ANKS1B: variants seen among roughly 807,000 people sequenced by gnomAD.
The protein encoded by ANKS1B is ankyrin repeat and sterile alpha motif domain containing 1B, also known as ankyrin repeat and sterile alpha motif domain-containing protein 1B.
Under a neutral mutation model 148.3 loss-of-function variants are expected in ANKS1B, and 36 were observed. That is an observed-to-expected ratio of 0.24 (90% CI 0.19 to 0.32). ANKS1B has a LOEUF of 0.32. ANKS1B is among the 10% of genes least tolerant of loss of function. ANKS1B has a pLI of 1.00. For missense variants in ANKS1B, 1,157 were observed against 1,542.6 expected (o/e 0.75, Z 4.19); for synonymous variants, 542 against 560.8 (o/e 0.97, Z 0.47).
In ANKS1B at chr12:98,887,670, C is replaced by T. The variant is rs370327315; in HGVS notation, c.2779-55534G>A. 4.0e-5 allele frequency among the ~76,000 whole-genome samples: 6 copies of T among 151,760 alleles called. No homozygotes were observed. The East Asian group carries it at 9.7e-4, about 24-fold the overall frequency. Reference sequence around the variant, plus strand: ...TCTCCCAGGCTGGAGTGTAGTGGTGCGATCTTGGCTCACTGCAACCTCTGT... The same window carrying T: ...TCTCCCAGGCTGGAGTGTAGTGGTGTGATCTTGGCTCACTGCAACCTCTGT... On this transcript the variant is annotated intron_variant, in intron 17 of 26. Transcript: ENST00000683438.
At position 98,853,171 on chromosome 12, in the gene ANKS1B, C is replaced by T. The variant is rs77811957; in HGVS notation, c.2779-21035G>A. On this transcript the variant is annotated intron_variant, in intron 17 of 26. Coordinates refer to ENST00000683438, the MANE Select transcript of ANKS1B (RefSeq NM_001352186.2). ...TTTTCTGTCTTTAGGGGTCAGTCTT[C>T]CTAAAATATGAAAACCCGGGTTTGA... Among the ~76,000 whole-genome samples the T allele has an allele frequency of 1.3e-3, 199 of 152,178 alleles. 2 individuals are homozygous for T. The East Asian group carries it at 0.033, about 25-fold the overall frequency.
chr12:98,997,682 C>T (rs554375853), intron 17 of ANKS1B, among the ~76,000 whole-genome samples: 5 of 152,250 alleles, frequency 3.3e-5, no homozygotes, highest in East Asian at 1.9e-4. Flanking sequence ...TGAGCCACCG[C>T]GCCTGGCCCA....
At chr12:99,830,607 C>T (rs1304623394) in intron 1 of ANKS1B, among the ~76,000 whole-genome samples, 3 of 131,214 alleles carry the variant, frequency 2.3e-5, no homozygotes, top group Non-Finnish European at 4.9e-5. Flanking sequence ...ACCAGTCATA[C>T]ATATAGGAAT....
intron 14 of ANKS1B, among the ~76,000 whole-genome samples, chr12:99,168,976 G>A (rs2077476294): frequency 6.6e-6 from 1 of 152,192 alleles, no homozygotes; most frequent in African/African-American, 2.4e-5. Context: ...GTAAAAGGCA[G>A]CTAATATTCT....
At chr12:98,903,478 T>G (rs1425778740) in intron 17 of ANKS1B, among the ~76,000 whole-genome samples, 1 of 152,178 alleles carries the variant, frequency 6.6e-6, no homozygotes, top group Non-Finnish European at 1.5e-5. Flanking sequence ...GATGATGAGC[T>G]TGGTATTACC....
chr12:99,616,423 G>A (rs1173136308), intron 9 of ANKS1B, among the ~76,000 whole-genome samples: 1 of 152,054 alleles, frequency 6.6e-6, no homozygotes. Context: ...AAACAGCAGG[G>A]TACTCGTACC....
At chr12:98,736,179 G>A (rs769898929) in intron 9 of ANKS1B, among the ~76,000 whole-genome samples, 22 of 152,180 alleles carry the variant, frequency 1.4e-4, no homozygotes, top group Non-Finnish European at 2.9e-4. Flanking sequence ...TCTGATTTAA[G>A]CTTTAACGAA....
At chr12:99,307,380 G>A (rs1270116488) in intron 12 of ANKS1B, among the ~76,000 whole-genome samples, 1 of 152,062 alleles carries the variant, frequency 6.6e-6, no homozygotes, top group Non-Finnish European at 1.5e-5. Flanking sequence ...CTGGAATAGA[G>A]AAAGGGTGAA....
At chr12:99,930,642 G>T (rs1454815235) in intron 1 of ANKS1B, among the ~76,000 whole-genome samples, 1 of 152,100 alleles carries the variant, frequency 6.6e-6, no homozygotes. Flanking sequence ...ACCACAATGA[G>T]ATACCATCTC....
At chr12:99,514,297 T>C (rs768138957) in intron 9 of ANKS1B, among the ~76,000 whole-genome samples, 42 of 151,992 alleles carry the variant, frequency 2.8e-4, no homozygotes, top group Non-Finnish European at 5.4e-4. Flanking sequence ...TAAAGCACCA[T>C]AGGGGCAAGA....
At chr12:99,947,767 G>A (rs982464701) in intron 1 of ANKS1B, among the ~76,000 whole-genome samples, 2 of 152,028 alleles carry the variant, frequency 1.3e-5, no homozygotes, top group African/African-American at 4.8e-5. Context: ...TAAGACCTCC[G>A]GGCATATTCA....
intron 12 of ANKS1B, among the ~76,000 whole-genome samples, chr12:99,322,455 A>G (rs1748778546): frequency 6.7e-6 from 1 of 150,264 alleles, no homozygotes. Context: ...CACACTCTGT[A>G]TATGTATCCT....
intron 17 of ANKS1B, among the ~76,000 whole-genome samples, chr12:98,934,579 T>C (rs1444672157): frequency 6.6e-6 from 1 of 152,182 alleles, no homozygotes; most frequent in Non-Finnish European, 1.5e-5. Flanking sequence ...TTCAATAATA[T>C]TAGATCTTCC....
intron 9 of ANKS1B, among the ~76,000 whole-genome samples, chr12:99,505,770 A>G (rs2096705470): frequency 1.3e-5 from 2 of 151,760 alleles, no homozygotes; most frequent in Non-Finnish European, 1.5e-5. Context: ...TTCACAATTA[A>G]TCATATTTTA....
rs111282248 is a variant in ANKS1B, at chr12:99,439,212, C to T, written c.1575+4461G>A. On this transcript the variant is annotated intron_variant, in intron 11 of 26. Coordinates refer to ENST00000683438, the MANE Select transcript of ANKS1B (RefSeq NM_001352186.2). The stretch of plus-strand genomic sequence containing the variant: ...ATCGACCTAAATATAAAAACCAGAA[C>T]GAGAAAACTTCTAGAAAAAAGTGGG... Among the ~76,000 whole-genome samples the T allele has an allele frequency of 3.8e-3, 575 of 151,554 alleles. 5 individuals are homozygous for T. Among genetic ancestry groups the T allele is most frequent in the African/African-American group, 0.013 (542 of 41,368 alleles).
intron 17 of ANKS1B, among the ~76,000 whole-genome samples, chr12:98,997,897 TAGAGCTTGC>T: frequency 6.6e-6 from 1 of 152,348 alleles, no homozygotes; most frequent in African/African-American, 2.4e-5. Flanking sequence ...CAAGGTTCTT[TAGAGCTTGC>T]ATTTATTTCA....
At chr12:99,023,456 GTTC>G (rs1021339508) in intron 17 of ANKS1B, among the ~76,000 whole-genome samples, 55 of 152,030 alleles carry the variant, frequency 3.6e-4, no homozygotes, top group African/African-American at 1.2e-3. Flanking sequence ...TTATTGAAAG[GTTC>G]TTCTTCTTCC....
At chr12:99,904,061 G>A (rs995285758) in intron 1 of ANKS1B, among the ~76,000 whole-genome samples, 1 of 152,120 alleles carries the variant, frequency 6.6e-6, no homozygotes, top group South Asian at 2.1e-4. Context: ...GCCCTTTGCA[G>A]GCCATAAGCC....
chr12:99,650,472 C>T (rs1345840932), intron 9 of ANKS1B, among the ~76,000 whole-genome samples: 1 of 149,824 alleles, frequency 6.7e-6, no homozygotes, highest in Admixed American at 6.7e-5. Flanking sequence ...TGAGTTTAAT[C>T]ATACTTTCCA....
Sources: allele counts gnomAD v4.1 joint callset (sites outside exome capture counted in the v4.1 genomes callset), GRCh38; gene constraint gnomAD v4.1.1; transcripts MANE v1.5; gene names NCBI Gene and HGNC (gene_info 2026-07-23, HGNC 2026-07-21).